Variants in ARHGAP42 observed in about 807,000 individuals in gnomAD.
ARHGAP42 encodes the protein Rho GTPase activating protein 42, also known as rho GTPase-activating protein 42.
ARHGAP42 carries 63 observed loss-of-function variants against 125.0 expected under a neutral mutation model. That is an observed-to-expected ratio of 0.50 (90% CI 0.41 to 0.62). ARHGAP42 has a LOEUF of 0.62. Among genes scored for constraint, ARHGAP42 ranks in the 20% least tolerant of loss-of-function variants. The probability of loss-of-function intolerance (pLI) is 0.00; values close to 1 mark genes in which losing one functional copy is unlikely to be tolerated. For missense variants in ARHGAP42, 766 were observed against 1,024.2 expected (o/e 0.75, Z 3.44); for synonymous variants, 339 against 351.0 (o/e 0.97, Z 0.38).
chr11:100,903,636 A>G (rs534181078), intron 4 of ARHGAP42, among the ~76,000 whole-genome samples: 1 of 145,586 alleles, frequency 6.9e-6, no homozygotes, highest in Admixed American at 7.0e-5. Flanking sequence ...CCAAGGGGAG[A>G]TTGACACTTG....
At chr11:100,898,443 A>C (rs185948560) in intron 4 of ARHGAP42, among the ~76,000 whole-genome samples, 1 of 152,276 alleles carries the variant, frequency 6.6e-6, no homozygotes, top group East Asian at 1.9e-4. Context: ...TACCTCTGTT[A>C]GAATTCGGCT....
chr11:100,882,531 TA>T (rs1245465614), intron 4 of ARHGAP42, among the ~76,000 whole-genome samples: 1 of 151,946 alleles, frequency 6.6e-6, no homozygotes, highest in Non-Finnish European at 1.5e-5. Context: ...TTCGTATCTA[TA>T]TTCTTCAGGG....
chr11:100,747,913 AC>A (rs1179623912), intron 1 of ARHGAP42, among the ~76,000 whole-genome samples: 1 of 151,986 alleles, frequency 6.6e-6, no homozygotes, highest in Non-Finnish European at 1.5e-5. Context: ...TCTCTAAACA[AC>A]CATTTAATTT....
intron 4 of ARHGAP42, among the ~76,000 whole-genome samples, chr11:100,889,686 CTA>C (rs1204946358): frequency 5.3e-5 from 8 of 152,122 alleles, no homozygotes; most frequent in Admixed American, 1.3e-4. Context: ...TTCTATTAAC[CTA>C]TAGGTATTTA....
At chr11:100,835,904 T>C (rs1182528465) in intron 3 of ARHGAP42, among the ~76,000 whole-genome samples, 1 of 152,150 alleles carries the variant, frequency 6.6e-6, no homozygotes, top group Admixed American at 6.6e-5. Flanking sequence ...ATATTTCTTA[T>C]CACATGATTA....
intron 16 of ARHGAP42, among the ~76,000 whole-genome samples, chr11:100,963,788 C>T (rs946221275): frequency 3.3e-5 from 5 of 152,108 alleles, no homozygotes; most frequent in African/African-American, 1.2e-4. Context: ...GTACAATGAC[C>T]CTAATAAATT....
chr11:100,765,295 A>G (rs1862803760), intron 1 of ARHGAP42, among the ~76,000 whole-genome samples: 1 of 152,128 alleles, frequency 6.6e-6, no homozygotes, highest in Non-Finnish European at 1.5e-5. Context: ...ACCCCTACAC[A>G]CTCAATCCAA....
chr11:100,733,206 G>T (rs1416429755), intron 1 of ARHGAP42, among the ~76,000 whole-genome samples: 2 of 152,142 alleles, frequency 1.3e-5, no homozygotes, highest in African/African-American at 2.4e-5. Flanking sequence ...AATCAATATA[G>T]CCAAACCTTA....
At chr11:100,726,209 G>A (rs1036880387) in intron 1 of ARHGAP42, among the ~76,000 whole-genome samples, 1 of 152,078 alleles carries the variant, frequency 6.6e-6, no homozygotes, top group Non-Finnish European at 1.5e-5. Flanking sequence ...GAGATGTAAC[G>A]AGCAAGCTTT....
intron 6 of ARHGAP42, among the ~76,000 whole-genome samples, chr11:100,924,126 A>G (rs1396726829): frequency 6.6e-6 from 1 of 152,112 alleles, no homozygotes; most frequent in Non-Finnish European, 1.5e-5. Context: ...CTAGTAGTCT[A>G]TTCTAGTTTT....
intron 3 of ARHGAP42, among the ~76,000 whole-genome samples, chr11:100,852,829 C>T (rs1452846385): frequency 6.6e-6 from 1 of 152,102 alleles, no homozygotes; most frequent in Non-Finnish European, 1.5e-5. Context: ...AATTGTGCCA[C>T]CAGAGGTACA....
intron 3 of ARHGAP42, among the ~76,000 whole-genome samples, chr11:100,858,061 G>A: frequency 6.7e-6 from 1 of 149,178 alleles, no homozygotes; most frequent in East Asian, 2.0e-4. Flanking sequence ...TCAGCTATGT[G>A]TCGCATCTGT....
intron 1 of ARHGAP42, among the ~76,000 whole-genome samples, chr11:100,727,661 C>A (rs1304946247): frequency 6.6e-6 from 1 of 152,196 alleles, no homozygotes; most frequent in Non-Finnish European, 1.5e-5. Context: ...CATCCACGTG[C>A]TGGGAGGGTG....
At chr11:100,810,287 T>C (rs1476950204) in intron 3 of ARHGAP42, among the ~76,000 whole-genome samples, 1 of 152,188 alleles carries the variant, frequency 6.6e-6, no homozygotes, top group East Asian at 1.9e-4. Flanking sequence ...TTAACCAACA[T>C]TCTTTTTTCC....
chr11:100,694,546 C>G (rs1416101374), intron 1 of ARHGAP42, among the ~76,000 whole-genome samples: 3 of 152,158 alleles, frequency 2.0e-5, no homozygotes, highest in Non-Finnish European at 4.4e-5. Flanking sequence ...GCCTTCTAGG[C>G]CGGTGCCAGC....
intron 1 of ARHGAP42, among the ~76,000 whole-genome samples, chr11:100,753,099 G>A (rs1027543008): frequency 6.6e-6 from 1 of 152,166 alleles, no homozygotes; most frequent in African/African-American, 2.4e-5. Flanking sequence ...CCAGGTGGGA[G>A]CTGGGTCAGG....
chr11:100,839,677 C>T (rs566617579), intron 3 of ARHGAP42: 17 of 152,274 alleles, frequency 1.1e-4, no homozygotes, highest in Admixed American at 4.6e-4. Context: ...CATTGATTAC[C>T]AGGGTTGATT....
intron 4 of ARHGAP42, among the ~76,000 whole-genome samples, chr11:100,884,113 T>A (rs991334319): frequency 2.0e-5 from 3 of 152,190 alleles, no homozygotes; most frequent in Admixed American, 2.0e-4. Flanking sequence ...ATTATGGCAA[T>A]GTATGTGGTC....
At chr11:100,780,163 T>G (rs1863270202) in intron 2 of ARHGAP42, among the ~76,000 whole-genome samples, 1 of 152,172 alleles carries the variant, frequency 6.6e-6, no homozygotes, top group South Asian at 2.1e-4. Flanking sequence ...GAACTGTGCT[T>G]GTGAAAAAGG....
Sources: allele counts gnomAD v4.1 joint callset (sites outside exome capture counted in the v4.1 genomes callset), GRCh38; gene constraint gnomAD v4.1.1; transcripts MANE v1.5; gene names NCBI Gene and HGNC (gene_info 2026-07-23, HGNC 2026-07-21).